Variants in CDH13 observed in about 807,000 individuals in gnomAD.
CDH13 encodes cadherin 13.
CDH13 carries 24 observed loss-of-function variants against 63.8 expected under a neutral mutation model. The observed-to-expected ratio is 0.38, with a 90% CI of 0.27 to 0.53. CDH13 has a LOEUF of 0.53. CDH13 is among the 20% of genes least tolerant of loss of function. The pLI is 0.85. For synonymous variants in CDH13, 503 were observed against 355.3 expected, an observed-to-expected ratio of 1.42 and a Z score of -4.67; for missense variants, 1,049 against 903.1, an observed-to-expected ratio of 1.16 and a Z score of -2.07.
chr16:83,502,922 A>G (rs1598169810), intron 7 of CDH13, among the ~76,000 whole-genome samples: 1 of 152,206 alleles, frequency 6.6e-6, no homozygotes, highest in Non-Finnish European at 1.5e-5. Context: ...ATCCCACCCA[A>G]CCAGCCTGCC....
chr16:83,191,617 G>A (rs2038717780), intron 4 of CDH13, among the ~76,000 whole-genome samples: 1 of 146,074 alleles, frequency 6.8e-6, no homozygotes, highest in Non-Finnish European at 1.5e-5. Context: ...ATGATCACAA[G>A]GTCCCACAAT....
intron 2 of CDH13, among the ~76,000 whole-genome samples, chr16:83,014,751 T>TAC (rs1225839573): frequency 2.8e-5 from 1 of 35,896 alleles, no homozygotes; most frequent in Non-Finnish European, 5.6e-5. Context: ...AAAATATATA[T>TAC]ATATATATAT....
intron 1 of CDH13, among the ~76,000 whole-genome samples, chr16:82,741,297 T>G (rs1235549444): frequency 6.6e-6 from 1 of 152,212 alleles, no homozygotes; most frequent in Non-Finnish European, 1.5e-5. Flanking sequence ...ACATGTTATT[T>G]CCTTTGCTGG....
At chr16:83,564,686 G>A (rs1459806180) in intron 7 of CDH13, among the ~76,000 whole-genome samples, 1 of 152,172 alleles carries the variant, frequency 6.6e-6, no homozygotes, top group African/African-American at 2.4e-5. Context: ...TGAGATTATA[G>A]GCATGAGCCA....
At chr16:82,793,590 G>A (rs776557521) in intron 1 of CDH13, among the ~76,000 whole-genome samples, 5 of 152,182 alleles carry the variant, frequency 3.3e-5, no homozygotes, top group South Asian at 2.1e-4. Context: ...CTGCTGGGCC[G>A]CATCATTTAA....
At chr16:83,027,109 C>G (rs565155705) in intron 2 of CDH13, among the ~76,000 whole-genome samples, 6 of 143,084 alleles carry the variant, frequency 4.2e-5, no homozygotes, top group Middle Eastern at 7.2e-3. Flanking sequence ...GAGACCCCCC[C>G]CCCCCACCGC....
intron 5 of CDH13, among the ~76,000 whole-genome samples, chr16:83,256,402 C>G (rs949864900): frequency 6.6e-6 from 1 of 152,108 alleles, no homozygotes; most frequent in African/African-American, 2.4e-5. Context: ...CAGGACCCAA[C>G]CTTGTCTTCA....
chr16:83,688,232 G>A (rs894531296), intron 10 of CDH13, among the ~76,000 whole-genome samples: 6 of 152,290 alleles, frequency 3.9e-5, no homozygotes, highest in African/African-American at 1.4e-4. Flanking sequence ...ATTGACTGGC[G>A]ATGGGACATT....
chr16:82,994,685 G>C (rs554742621), intron 2 of CDH13, among the ~76,000 whole-genome samples: 10 of 152,308 alleles, frequency 6.6e-5, no homozygotes, highest in African/African-American at 2.4e-4. Flanking sequence ...TTTGACAAAT[G>C]AAACTACCAA....
chr16:83,494,926 A>T (rs2074100666), intron 7 of CDH13, among the ~76,000 whole-genome samples: 1 of 152,232 alleles, frequency 6.6e-6, no homozygotes, highest in Non-Finnish European at 1.5e-5. Flanking sequence ...ATGATGTCAC[A>T]TTCAACAATG....
chr16:83,295,583 A>G (rs2089572313), intron 5 of CDH13, among the ~76,000 whole-genome samples: 1 of 152,198 alleles, frequency 6.6e-6, no homozygotes, highest in South Asian at 2.1e-4. Context: ...AAAATGCTCA[A>G]CATCACTAAT....
chr16:83,250,454 G>A (rs542270348), intron 5 of CDH13, among the ~76,000 whole-genome samples: 1 of 152,294 alleles, frequency 6.6e-6, no homozygotes, highest in Non-Finnish European at 1.5e-5. Context: ...GAGCCCTAGG[G>A]AAAGGAAGTG....
At chr16:83,052,420 G>C (rs9921823) in intron 3 of CDH13, among the ~76,000 whole-genome samples, 3,921 of 152,234 alleles carry the variant, frequency 0.026, 176 homozygotes, top group African/African-American at 0.087. Flanking sequence ...TGTTTTCATA[G>C]CAAATATGTT....
rs548383953 is a variant in CDH13, at chr16:83,375,817, C to A, written c.781+30811C>A. The stretch of plus-strand genomic sequence containing the variant: ...AAGACCTGAAAGAGTAAGGCTTGAT[C>A]TGGGAATACAGGTAGAGGAGATGTG... On this transcript the variant is annotated intron_variant, in intron 6 of 13. Transcript: ENST00000567109. 1.2e-4 allele frequency among the ~76,000 whole-genome samples: 19 copies of A among 152,178 alleles called. No homozygotes were observed. The South Asian group carries it at 3.7e-3, about 30-fold the overall frequency.
intron 1 of CDH13, among the ~76,000 whole-genome samples, chr16:82,797,897 C>T (rs562420387): frequency 6.6e-6 from 1 of 152,112 alleles, no homozygotes; most frequent in South Asian, 2.1e-4. Flanking sequence ...CCACAGCCTT[C>T]TCAGAAGACC....
intron 7 of CDH13, among the ~76,000 whole-genome samples, chr16:83,588,289 T>C (rs1176078020): frequency 6.6e-6 from 1 of 152,230 alleles, no homozygotes; most frequent in Non-Finnish European, 1.5e-5. Context: ...ACATTGCCCA[T>C]GCCTGCCTTT....
chr16:83,710,904 G>A (rs767096504), intron 10 of CDH13, among the ~76,000 whole-genome samples: 3 of 152,178 alleles, frequency 2.0e-5, no homozygotes, highest in Non-Finnish European at 4.4e-5. Context: ...CTCGATCATC[G>A]TTGTGTAGCA....
chr16:82,874,805 GA>G (rs2040452717), intron 2 of CDH13, among the ~76,000 whole-genome samples: 1 of 152,166 alleles, frequency 6.6e-6, no homozygotes, highest in Admixed American at 6.5e-5. Flanking sequence ...AGTAAGTGGG[GA>G]TAAATTATAC....
intron 5 of CDH13, among the ~76,000 whole-genome samples, chr16:83,262,795 A>C (rs150411277): frequency 2.8e-4 from 43 of 152,336 alleles, no homozygotes; most frequent in African/African-American, 9.6e-4. Flanking sequence ...ATGTTTCTCA[A>C]ATATTTGGGG....
Sources: gnomAD v4.1 joint callset for allele counts (sites outside exome capture counted in the v4.1 genomes callset) on GRCh38, gnomAD v4.1.1 for gene constraint, MANE v1.5 for transcripts, NCBI Gene and HGNC (gene_info 2026-07-23, HGNC 2026-07-21) for gene names.